PRDM2: variants seen among roughly 807,000 people sequenced by gnomAD.
The protein encoded by PRDM2 is PR/SET domain 2, also known as PR domain zinc finger protein 2.
A neutral mutation model predicts 130.0 loss-of-function variants in PRDM2; 30 were observed. That is an observed-to-expected ratio of 0.23 (90% confidence interval 0.17 to 0.31). The LOEUF (loss-of-function observed/expected upper bound fraction) is 0.31. Ranked by LOEUF, PRDM2 falls within the 10% of genes least tolerant of loss-of-function variation. The pLI is 1.00. For missense variants in PRDM2, 2,011 were observed against 2,108.4 expected, an observed-to-expected ratio of 0.95 and a Z score of 0.90; for synonymous variants, 871 against 782.4, an observed-to-expected ratio of 1.11 and a Z score of -1.89.
chr1:13,769,577 C>T (rs141155479), intron 6 of PRDM2, among the ~76,000 whole-genome samples: 1 of 152,230 alleles, frequency 6.6e-6, no homozygotes, highest in Non-Finnish European at 1.5e-5. Flanking sequence ...CACGATGAGA[C>T]GTAACTTAAC....
intron 2 of PRDM2, among the ~76,000 whole-genome samples, chr1:13,720,475 A>C (rs1209065863): frequency 1.3e-5 from 2 of 152,162 alleles, no homozygotes; most frequent in African/African-American, 4.8e-5. Flanking sequence ...CCAGAAGGAC[A>C]GAGTAGACTT....
At position 13,779,884 on chromosome 1, in the gene PRDM2, A is replaced by G; in HGVS notation, c.2089A>G (p.Thr697Ala). Reference sequence around the variant, plus strand: ...ATCAAAGCTCAAACAACTTCTTCAAACCCAAGATAAACTAACTCCTGCAGG... The same window carrying G: ...ATCAAAGCTCAAACAACTTCTTCAAGCCCAAGATAAACTAACTCCTGCAGG... The part of the protein sequence containing the change: ...LSSKLKQLLQ[T>A]QDKLTPAGIS... The change falls in exon 8 of 10, where the codon ACC becomes GCC. Residue 697 changes from threonine (T) to alanine (A), a missense_variant. Physicochemically the swap from Thr to Ala is moderately conservative, Grantham distance 58. Transcript: ENST00000311066. This position sits in a 1 kb window ranked among gnomAD's most constrained non-coding sequence, Gnocchi z 4.9. The G allele has an allele frequency of 6.3e-7, 1 of 1,595,944 alleles. No homozygotes were observed. Among genetic ancestry groups the G allele is most frequent in the Non-Finnish European group, 8.5e-7 (1 of 1,175,404 alleles).
chr1:13,766,271 C>A (rs990857484), intron 6 of PRDM2, among the ~76,000 whole-genome samples: 7 of 152,006 alleles, frequency 4.6e-5, no homozygotes, highest in African/African-American at 1.7e-4. Context: ...TAGGAAGGGC[C>A]CTCTTATGTA....
chr1:13,727,270 CT>C (rs200409697), intron 2 of PRDM2, among the ~76,000 whole-genome samples: 9 of 149,256 alleles, frequency 6.0e-5, no homozygotes, highest in Admixed American at 2.0e-4. Flanking sequence ...GACTGTGTTC[CT>C]TTTTTTTTTG....
At chr1:13,817,243 T>C (rs1645272001) in intron 9 of PRDM2, among the ~76,000 whole-genome samples, 1 of 152,324 alleles carries the variant, frequency 6.6e-6, no homozygotes, top group African/African-American at 2.4e-5. Context: ...AGTGCAAATA[T>C]TCCAAAATCC....
chr1:13,737,937 T>C (rs1300920765), intron 4 of PRDM2, among the ~76,000 whole-genome samples: 1 of 152,208 alleles, frequency 6.6e-6, no homozygotes, highest in Non-Finnish European at 1.5e-5. Flanking sequence ...AAATTTTTAT[T>C]TGTGGAATAA....
intron 8 of PRDM2, among the ~76,000 whole-genome samples, chr1:13,796,874 T>A (rs745352391): frequency 6.6e-6 from 1 of 152,228 alleles, no homozygotes; most frequent in Non-Finnish European, 1.5e-5. Flanking sequence ...TATAATGGAC[T>A]GCTTTTTTTC....
intron 2 of PRDM2, among the ~76,000 whole-genome samples, chr1:13,715,954 G>A (rs996914745): frequency 2.6e-5 from 4 of 152,040 alleles, no homozygotes; most frequent in South Asian, 2.1e-4. Flanking sequence ...CATTTTTAGC[G>A]TTTTTTATTT....
chr1:13,787,514 A>G (rs1644766137), intron 8 of PRDM2: 2 of 983,838 alleles, frequency 2.0e-6, no homozygotes, highest in African/African-American at 1.7e-5. Flanking sequence ...AAAAATTTGT[A>G]GTTTAATATT....
intron 6 of PRDM2, among the ~76,000 whole-genome samples, chr1:13,749,835 A>T (rs1053370950): frequency 3.3e-5 from 5 of 152,002 alleles, no homozygotes; most frequent in African/African-American, 1.2e-4. Context: ...CCCCGCTGGC[A>T]CCCCAAGCCG....
At chr1:13,789,292 G>T (rs990442788) in intron 8 of PRDM2, among the ~76,000 whole-genome samples, 2 of 152,222 alleles carry the variant, frequency 1.3e-5, no homozygotes, top group Non-Finnish European at 2.9e-5. Context: ...TGCCTTGCTA[G>T]GCTGGCTGTC....
chr1:13,779,822 C>A lies in PRDM2; in HGVS notation c.2027C>A (p.Ala676Glu), dbSNP rs1481815630. The change falls in exon 8 of 10, where the codon GCA (alanine) becomes GAA (glutamate). Residue 676 changes from alanine (A) to glutamate (E), a missense_variant. Coordinates refer to ENST00000311066, the MANE Select transcript of PRDM2 (RefSeq NM_001393986.1). This position sits in a 1 kb window ranked among gnomAD's most constrained non-coding sequence, Gnocchi z 4.9. ...CCTCTTAGCATATCAACAACAGAGG[C>A]AGTGTCTTTCCACAAAGAGAAAAGT... ...SLPLSISTTE[A>E]VSFHKEKSVY... 2 of 1,614,208 alleles carry A rather than the reference C, an allele frequency of 1.2e-6. No homozygotes were observed. The highest frequency in any genetic ancestry group is 1.7e-6 in the Non-Finnish European group (2 of 1,180,044).
At chr1:13,710,395 T>G (rs935660790) in intron 1 of PRDM2, among the ~76,000 whole-genome samples, 15 of 152,234 alleles carry the variant, frequency 9.9e-5, no homozygotes, top group African/African-American at 3.4e-4. Context: ...TATTTTATTG[T>G]GGTTATATTG....
intron 8 of PRDM2, chr1:13,786,675 G>T (rs760304859): frequency 6.6e-6 from 10 of 1,514,692 alleles, no homozygotes; most frequent in Non-Finnish European, 8.8e-6. Context: ...TCAGCTGATT[G>T]CCGGCAGGCT....
chr1:13,807,167 A>C (rs1645097907), intron 8 of PRDM2, among the ~76,000 whole-genome samples: 1 of 152,034 alleles, frequency 6.6e-6, no homozygotes, highest in Non-Finnish European at 1.5e-5. Flanking sequence ...CGGGCATCAA[A>C]CTCCTTCTGA....
intron 8 of PRDM2, among the ~76,000 whole-genome samples, chr1:13,815,994 A>G (rs933988404): frequency 6.6e-6 from 1 of 151,804 alleles, no homozygotes; most frequent in African/African-American, 2.4e-5. Context: ...TTTTTTCCTT[A>G]TGGGTGTTGG....
intron 5 of PRDM2, among the ~76,000 whole-genome samples, chr1:13,742,869 T>C (rs1247236757): frequency 6.6e-6 from 1 of 152,232 alleles, no homozygotes; most frequent in East Asian, 1.9e-4. Flanking sequence ...TTAGCTTTTC[T>C]TTTCCCTAAA....
In PRDM2 at chr1:13,801,151, C is replaced by T. The variant is rs545124531; in HGVS notation, c.5037-15276C>T. 7.3e-4 allele frequency among the ~76,000 whole-genome samples: 111 copies of T among 152,270 alleles called. 1 individual carries two copies. The highest frequency in any genetic ancestry group is 2.5e-3 in the African/African-American group (105 of 41,560). Reference sequence around the variant, plus strand: ...CTGCAGGCAGGGGCATCGACGTGAGCGAGGACTGAAGTGACATCCTATGGA... The same window carrying T: ...CTGCAGGCAGGGGCATCGACGTGAGTGAGGACTGAAGTGACATCCTATGGA... On this transcript the variant is annotated intron_variant, in intron 8 of 9. Coordinates refer to ENST00000311066, the MANE Select transcript of PRDM2 (RefSeq NM_001393986.1).
intron 5 of PRDM2, among the ~76,000 whole-genome samples, chr1:13,747,524 G>C (rs1230202693): frequency 6.6e-6 from 1 of 151,946 alleles, no homozygotes; most frequent in Non-Finnish European, 1.5e-5. Flanking sequence ...TCATGTATTG[G>C]TTCAAAAATA....
Sources: gnomAD v4.1 joint callset for allele counts (sites outside exome capture counted in the v4.1 genomes callset) on GRCh38, gnomAD v4.1.1 for gene constraint, Gnocchi (gnomAD v3.1) non-coding constraint, MANE v1.5 for transcripts, NCBI Gene and HGNC (gene_info 2026-07-23, HGNC 2026-07-21) for gene names.